SCLT1: variants seen among roughly 807,000 people sequenced by gnomAD.
The protein encoded by SCLT1 is sodium channel and clathrin linker 1.
In SCLT1, 78 loss-of-function variants were observed where a neutral mutation model predicts 112.8. That is an observed-to-expected ratio of 0.69 (90% CI 0.58 to 0.83). The LOEUF (loss-of-function observed/expected upper bound fraction) is 0.83. SCLT1 is among the 40% of genes least tolerant of loss of function. The probability of loss-of-function intolerance (pLI) is 0.00; values close to 1 mark genes in which losing one functional copy is unlikely to be tolerated. For synonymous variants in SCLT1, 257 were observed against 254.7 expected (o/e 1.01, Z -0.09); for missense variants, 747 against 770.4 (o/e 0.97, Z 0.36).
At chr4:128,977,948 CAA>C (rs1741319695) in intron 9 of SCLT1, among the ~76,000 whole-genome samples, 1 of 151,984 alleles carries the variant, frequency 6.6e-6, no homozygotes, top group Non-Finnish European at 1.5e-5. Context: ...GTACTGCAAA[CAA>C]GAGATGGTGG....
intron 2 of SCLT1, among the ~76,000 whole-genome samples, chr4:129,044,515 AT>A (rs1474439321): frequency 2.0e-5 from 3 of 151,820 alleles, no homozygotes; most frequent in African/African-American, 4.8e-5. Flanking sequence ...AGAAAATGTA[AT>A]CAAAAAAAAT....
chr4:129,045,033 T>C (rs1579827161), intron 2 of SCLT1, among the ~76,000 whole-genome samples: 2 of 151,994 alleles, frequency 1.3e-5, no homozygotes, highest in East Asian at 3.8e-4. Context: ...ATGGACACAA[T>C]ACTGCTATCC....
At chr4:128,990,786 C>A (rs1742496340) in intron 9 of SCLT1, among the ~76,000 whole-genome samples, 1 of 148,504 alleles carries the variant, frequency 6.7e-6, no homozygotes, top group Non-Finnish European at 1.5e-5. Flanking sequence ...TTCCATATGC[C>A]AACTGAACAG....
intron 13 of SCLT1, among the ~76,000 whole-genome samples, chr4:128,953,104 C>A (rs773865714): frequency 4.0e-5 from 6 of 151,830 alleles, no homozygotes; most frequent in Non-Finnish European, 8.8e-5. Flanking sequence ...AAAAAAAGAT[C>A]TTTTGCTTAT....
chr4:128,908,378 A>AT (rs1734844805), intron 18 of SCLT1, among the ~76,000 whole-genome samples: 1 of 78,610 alleles, frequency 1.3e-5, no homozygotes, highest in Admixed American at 1.4e-4. Flanking sequence ...CATCCTGTTA[A>AT]TTAAAAAAAA....
intron 18 of SCLT1, among the ~76,000 whole-genome samples, chr4:128,911,592 T>C (rs1337605380): frequency 1.3e-5 from 2 of 152,206 alleles, no homozygotes; most frequent in African/African-American, 4.8e-5. Flanking sequence ...GAAAAAATTA[T>C]TTTATTTAAT....
At chr4:128,894,363 A>AACACACAC (rs10522940) in intron 18 of SCLT1, among the ~76,000 whole-genome samples, 4 of 143,018 alleles carry the variant, frequency 2.8e-5, no homozygotes, top group African/African-American at 5.1e-5. Flanking sequence ...TTGAGTAAGT[A>AACACACAC]ACACACACAC....
intron 2 of SCLT1, among the ~76,000 whole-genome samples, chr4:129,062,776 T>C (rs1237525802): frequency 1.3e-5 from 2 of 152,200 alleles, no homozygotes; most frequent in African/African-American, 2.4e-5. Context: ...CGGAAGTTCC[T>C]TTGTATGTTA....
intron 2 of SCLT1, among the ~76,000 whole-genome samples, chr4:129,061,646 C>T (rs1749987752): frequency 6.6e-6 from 1 of 151,992 alleles, no homozygotes; most frequent in Non-Finnish European, 1.5e-5. Flanking sequence ...ACTTTGGGTC[C>T]AGTCTGGTGG....
In SCLT1 at chr4:128,970,448, C is replaced by A; in HGVS notation, c.707G>T (p.Arg236Ile). ...CTCTTCCACTTTTGCTACAGCAACT[C>A]TCAGCTCTAATTTGGCTTGCCTAAA... ...KKLRQAKLEL[R>I]VAVAKVEELT... is the part of the protein sequence containing the mutation. Residue 236 changes from arginine (R) to isoleucine (I), a missense_variant, in exon 10 of 21, where the codon AGA becomes ATA. By Grantham distance (97) the Arg-to-Ile change is moderately conservative. Transcript: ENST00000281142. 2 of 1,603,468 alleles carry A rather than the reference C, an allele frequency of 1.2e-6. No homozygotes were observed. Among genetic ancestry groups the A allele is most frequent in the South Asian group, 1.1e-5 (1 of 90,822 alleles).
intron 11 of SCLT1, among the ~76,000 whole-genome samples, chr4:128,961,924 A>G (rs567357251): frequency 1.7e-4 from 26 of 152,218 alleles, no homozygotes; most frequent in Non-Finnish European, 3.4e-4. Flanking sequence ...TGGTGGAAAT[A>G]GTTTTATTTG....
intron 10 of SCLT1, among the ~76,000 whole-genome samples, chr4:128,969,424 T>C (rs1740486624): frequency 6.6e-6 from 1 of 151,740 alleles, no homozygotes; most frequent in Non-Finnish European, 1.5e-5. Flanking sequence ...TACAAAAAAT[T>C]AGCCAGGCGT....
intron 18 of SCLT1, among the ~76,000 whole-genome samples, chr4:128,900,047 C>T (rs1224960230): frequency 6.6e-6 from 1 of 152,158 alleles, no homozygotes; most frequent in Non-Finnish European, 1.5e-5. Flanking sequence ...AATGGAAGAA[C>T]ATTCCACACG....
chr4:128,999,926 ATTATAG>A, intron 6 of SCLT1, 132 bp from the exon 7 acceptor site: 1 of 448,262 alleles, frequency 2.2e-6, no homozygotes, highest in Admixed American at 4.3e-5. Flanking sequence ...TAAAGATGGT[ATTATAG>A]TTATATTTTT....
chr4:129,055,039 T>C (rs1321814011), intron 2 of SCLT1, among the ~76,000 whole-genome samples: 1 of 152,222 alleles, frequency 6.6e-6, no homozygotes, highest in Admixed American at 6.5e-5. Flanking sequence ...TCTGCTGCAG[T>C]TTGCTGGAGG....
intron 6 of SCLT1, among the ~76,000 whole-genome samples, chr4:129,000,947 T>G (rs186983454): frequency 1.5e-3 from 225 of 151,072 alleles, no homozygotes; most frequent in African/African-American, 5.0e-3. Flanking sequence ...TGTCTAAAAC[T>G]TAAAAAAAAA....
intron 16 of SCLT1, 143 bp from the exon 17 acceptor site, chr4:128,943,331 T>C: frequency 1.8e-6 from 1 of 571,388 alleles, no homozygotes; most frequent in South Asian, 2.8e-5. Flanking sequence ...AACTATGTGG[T>C]TTCAAAATGT....
chr4:128,969,944 T>C (rs1740545999), intron 10 of SCLT1, among the ~76,000 whole-genome samples: 1 of 152,186 alleles, frequency 6.6e-6, no homozygotes, highest in Non-Finnish European at 1.5e-5. Flanking sequence ...ATTATATCTA[T>C]CTAAAACTAA....
chr4:128,970,629 G>A (rs1483104399), intron 9 of SCLT1, 161 bp from the exon 10 acceptor site: 3 of 575,304 alleles, frequency 5.2e-6, no homozygotes, highest in African/African-American at 3.8e-5. Context: ...CTAATGAAGT[G>A]CATGTAGAAG....
Sources: gnomAD v4.1 joint callset for allele counts (sites outside exome capture counted in the v4.1 genomes callset) on GRCh38, gnomAD v4.1.1 for gene constraint, MANE v1.5 for transcripts, NCBI Gene and HGNC (gene_info 2026-07-23, HGNC 2026-07-21) for gene names.